Variants in RAI14 observed in about 807,000 individuals in gnomAD.
The protein encoded by RAI14 is ankycorbin.
In RAI14, 45 loss-of-function variants were observed where a neutral mutation model predicts 115.4. That is an observed-to-expected ratio of 0.39 (90% CI 0.31 to 0.50). RAI14 has a LOEUF of 0.50. RAI14 is among the 20% of genes least tolerant of loss of function. The pLI is 0.85. For synonymous variants in RAI14, 371 were observed against 415.4 expected, an observed-to-expected ratio of 0.89 and a Z score of 1.30; for missense variants, 939 against 1,131.2, an observed-to-expected ratio of 0.83 and a Z score of 2.44.
intron 16 of RAI14, among the ~76,000 whole-genome samples, chr5:34,828,421 G>GA (rs1168693767): frequency 6.6e-6 from 1 of 152,146 alleles, no homozygotes; most frequent in African/African-American, 2.4e-5. Context: ...TAGAAAGGAA[G>GA]CCAGATCAGA....
intron 2 of RAI14, among the ~76,000 whole-genome samples, chr5:34,692,597 A>G (rs1452112133): frequency 1.3e-5 from 2 of 151,184 alleles, no homozygotes; most frequent in African/African-American, 4.9e-5. Flanking sequence ...GGCCAAATCT[A>G]TTTTAAGCTA....
At chr5:34,794,650 G>A (rs1486856987) in intron 3 of RAI14, among the ~76,000 whole-genome samples, 3 of 152,168 alleles carry the variant, frequency 2.0e-5, no homozygotes, top group Non-Finnish European at 4.4e-5. Context: ...TTGATCCCCA[G>A]CCTTTACAAT....
intron 2 of RAI14, among the ~76,000 whole-genome samples, chr5:34,736,138 C>A (rs557807760): frequency 6.7e-6 from 1 of 149,922 alleles, no homozygotes; most frequent in Non-Finnish European, 1.5e-5. Flanking sequence ...CGGTGACTCA[C>A]GCCTGTAATC....
At chr5:34,729,132 G>T (rs34060466) in intron 2 of RAI14, among the ~76,000 whole-genome samples, 6,366 of 152,186 alleles carry the variant, frequency 0.042, 202 homozygotes, top group Middle Eastern at 0.12. Flanking sequence ...ATATGTGGGT[G>T]GATCCTTTGA....
intron 2 of RAI14, among the ~76,000 whole-genome samples, chr5:34,747,735 G>T (rs1331848152): frequency 6.6e-6 from 1 of 152,254 alleles, no homozygotes; most frequent in East Asian, 1.9e-4. Flanking sequence ...TCTTAAAGAG[G>T]TTAATTAATA....
chr5:34,662,752 A>T (rs139678826), intron 1 of RAI14, among the ~76,000 whole-genome samples: 120 of 120,658 alleles, frequency 9.9e-4, no homozygotes, highest in Middle Eastern at 5.1e-3. Context: ...TTTTAGACAC[A>T]GAGTCTCACT....
chr5:34,788,171 C>T (rs555024328), intron 3 of RAI14, among the ~76,000 whole-genome samples: 33 of 151,984 alleles, frequency 2.2e-4, no homozygotes, highest in African/African-American at 6.5e-4. Flanking sequence ...TGCCTTCCTC[C>T]GCCTCCCAAA....
chr5:34,796,876 ACTTTACCCT>A (rs1226290306), intron 4 of RAI14, among the ~76,000 whole-genome samples: 6 of 152,214 alleles, frequency 3.9e-5, no homozygotes, highest in Admixed American at 3.3e-4. Flanking sequence ...ATATACCTAC[ACTTTACCCT>A]CTGAGATTCA....
At chr5:34,809,360 T>C (rs1641865907) in intron 7 of RAI14, among the ~76,000 whole-genome samples, 1 of 152,206 alleles carries the variant, frequency 6.6e-6, no homozygotes, top group South Asian at 2.1e-4. Flanking sequence ...CCACTGAAAA[T>C]GTCAAATCCT....
chr5:34,657,591 C>T (rs915216407), intron 1 of RAI14, among the ~76,000 whole-genome samples: 2 of 152,180 alleles, frequency 1.3e-5, no homozygotes, highest in African/African-American at 4.8e-5. Context: ...CCAGCGGCTT[C>T]TCTTCGCCGC....
At chr5:34,780,753 C>T (rs1401893400) in intron 3 of RAI14, among the ~76,000 whole-genome samples, 6 of 152,156 alleles carry the variant, frequency 3.9e-5, no homozygotes, top group African/African-American at 1.4e-4. Context: ...GAAACAGGAA[C>T]ACTTTTACAC....
chr5:34,774,501 AT>A (rs1188443111), intron 3 of RAI14, among the ~76,000 whole-genome samples: 2 of 152,316 alleles, frequency 1.3e-5, no homozygotes, highest in Non-Finnish European at 2.9e-5. Flanking sequence ...GAATCAAGTA[AT>A]TCTATTTACA....
rs561607736 is a variant in RAI14 at position 34,787,063 on chromosome 5, G to A, written c.168-8876G>A. On this transcript the variant is annotated intron_variant, in intron 3 of 17. Coordinates refer to ENST00000265109, the MANE Select transcript of RAI14 (RefSeq NM_015577.3). ...TTGTGGTTCAGGAACGTCTTTAAGCGGTTTTCCGCCCTGGGTAGGCCAGGT... is the reference window on the plus strand; with the variant it reads ...TTGTGGTTCAGGAACGTCTTTAAGCAGTTTTCCGCCCTGGGTAGGCCAGGT... Among the ~76,000 whole-genome samples the A allele has an allele frequency of 1.6e-3, 242 of 152,298 alleles. 1 individual carries two copies. Among genetic ancestry groups the A allele is most frequent in the African/African-American group, 5.4e-3 (226 of 41,568 alleles).
chr5:34,663,994 C>A (rs935437786), intron 1 of RAI14, among the ~76,000 whole-genome samples: 1 of 152,006 alleles, frequency 6.6e-6, no homozygotes, highest in Non-Finnish European at 1.5e-5. Context: ...TTAGTCTTGC[C>A]GTATAATTCC....
At chr5:34,708,307 A>G (rs1185565095) in intron 2 of RAI14, among the ~76,000 whole-genome samples, 2 of 151,228 alleles carry the variant, frequency 1.3e-5, no homozygotes, top group African/African-American at 2.4e-5. Context: ...CGTTCAAGCG[A>G]TTCTCCTGCC....
At chr5:34,729,185 C>CA (rs1011537666) in intron 2 of RAI14, among the ~76,000 whole-genome samples, 1 of 151,700 alleles carries the variant, frequency 6.6e-6, no homozygotes, top group South Asian at 2.1e-4. Context: ...AATGTCTCTA[C>CA]AAAAAATACA....
intron 2 of RAI14, among the ~76,000 whole-genome samples, chr5:34,692,050 G>A (rs1370595680): frequency 6.6e-6 from 1 of 152,170 alleles, no homozygotes; most frequent in Non-Finnish European, 1.5e-5. Flanking sequence ...ATCACCTGAT[G>A]TCAGGAGTTC....
chr5:34,748,731 G>T (rs1253326876), intron 2 of RAI14, among the ~76,000 whole-genome samples: 1 of 152,026 alleles, frequency 6.6e-6, no homozygotes, highest in East Asian at 1.9e-4. Flanking sequence ...GAAGGCTGAG[G>T]TGGGAGGATC....
Position 34,826,378 on chromosome 5 carries a change from A to G in RAI14, c.2698A>G (p.Ser900Gly), listed in dbSNP as rs1363977086. Reference protein sequence around the residue: ...EVTKLKEALNSLSQLSYSTSS... With the variant: ...EVTKLKEALNGLSQLSYSTSS... ...CACCAAATTGAAGGAGGCCTTGAAC[A>G]GCCTCTCCCAGCTCTCCTACTCAAC... The change falls in exon 16 of 18, where the codon AGC becomes GGC. Residue 900 changes from serine (S) to glycine (G), a missense_variant. Ser to Gly is a moderately conservative substitution (Grantham distance 56). Transcript: ENST00000265109. 2 of 1,614,020 alleles carry G rather than the reference A, an allele frequency of 1.2e-6. No homozygotes were observed. The highest frequency in any genetic ancestry group is 1.7e-6 in the Non-Finnish European group (2 of 1,179,998).
Sources: allele counts gnomAD v4.1 joint callset (sites outside exome capture counted in the v4.1 genomes callset), GRCh38; gene constraint gnomAD v4.1.1; transcripts MANE v1.5; gene names NCBI Gene and HGNC (gene_info 2026-07-23, HGNC 2026-07-21).